The following GALNT17 variants were observed in gnomAD, a reference collection of about 807,000 sequenced individuals.
The protein encoded by GALNT17 is UDP-GalNAc:polypeptide N-acetylgalactosaminyltransferase-like 3.
In GALNT17, 29 loss-of-function variants were observed where a neutral mutation model predicts 63.7. That is an observed-to-expected ratio of 0.46 (90% CI 0.34 to 0.62). The LOEUF (loss-of-function observed/expected upper bound fraction) is 0.62, where lower values mean the gene tolerates loss of function less well. Among genes scored for constraint, GALNT17 ranks in the 20% least tolerant of loss-of-function variants. GALNT17 has a pLI of 0.01. For missense variants in GALNT17, 603 were observed against 799.6 expected (o/e 0.75, Z 2.97); for synonymous variants, 305 against 318.3 (o/e 0.96, Z 0.45).
At chr7:71,656,107 C>T (rs1790824590) in intron 6 of GALNT17, among the ~76,000 whole-genome samples, 1 of 152,154 alleles carries the variant, frequency 6.6e-6, no homozygotes, top group Non-Finnish European at 1.5e-5. Flanking sequence ...TCTTTGGGTA[C>T]TTACTTATGT....
chr7:71,704,070 G>A (rs977893894), intron 9 of GALNT17, among the ~76,000 whole-genome samples: 2 of 152,146 alleles, frequency 1.3e-5, no homozygotes, highest in Non-Finnish European at 2.9e-5. Flanking sequence ...TTGGAACACA[G>A]GTCTCCAGTG....
rs749995509 is a variant in GALNT17 at position 71,133,027 on chromosome 7, C to T, written c.225C>T (p.Tyr75=). Residue 75 remains tyrosine (Y), a synonymous_variant, in exon 1 of 11, where the codon TAC becomes TAT. Transcript: ENST00000333538. Reference sequence around the variant, plus strand: ...TGTCGCTGCTGGAGGACATCGTGTACCGGCAGCTGAATGGTAAGGACGCAC... The same window carrying T: ...TGTCGCTGCTGGAGGACATCGTGTATCGGCAGCTGAATGGTAAGGACGCAC... The part of the protein sequence containing the change: ...KRLSLLEDIV[Y]RQLNGLSKSL... 2.5e-6 allele frequency: 4 copies of T among 1,581,828 alleles called. No homozygotes were observed. The highest frequency in any genetic ancestry group is 2.3e-5 in the East Asian group (1 of 43,422).
At chr7:71,407,344 C>A (rs1490126406) in intron 3 of GALNT17, among the ~76,000 whole-genome samples, 2 of 152,202 alleles carry the variant, frequency 1.3e-5, no homozygotes, top group Non-Finnish European at 2.9e-5. Context: ...GCTGACCAGA[C>A]TGGGCTTTAG....
At chr7:71,159,000 G>A (rs6943535) in intron 1 of GALNT17, among the ~76,000 whole-genome samples, 14 of 151,452 alleles carry the variant, frequency 9.2e-5, no homozygotes, top group African/African-American at 2.4e-4. Flanking sequence ...TCTGCTCCTC[G>A]TCTGGTGTTT....
At chr7:71,198,414 A>G (rs1458627266) in intron 1 of GALNT17, among the ~76,000 whole-genome samples, 1 of 152,142 alleles carries the variant, frequency 6.6e-6, no homozygotes, top group East Asian at 1.9e-4. Flanking sequence ...TCCTTCATTT[A>G]TTGAGTTATG....
chr7:71,498,306 G>A (rs1250063771), intron 5 of GALNT17, among the ~76,000 whole-genome samples: 1 of 151,782 alleles, frequency 6.6e-6, no homozygotes, highest in Non-Finnish European at 1.5e-5. Flanking sequence ...TGAGACCCCC[G>A]TCTCTACTAA....
intron 5 of GALNT17, among the ~76,000 whole-genome samples, chr7:71,439,053 A>G (rs1004465525): frequency 2.7e-4 from 41 of 151,666 alleles, no homozygotes; most frequent in African/African-American, 9.7e-4. Context: ...ATGCCTGGCT[A>G]ATTTTTTAAA....
At chr7:71,421,917 T>G (rs981355359) in intron 5 of GALNT17, among the ~76,000 whole-genome samples, 4 of 138,556 alleles carry the variant, frequency 2.9e-5, no homozygotes, top group African/African-American at 1.1e-4. Flanking sequence ...GCCATTGCAC[T>G]CCAGCCTGGG....
At chr7:71,659,609 G>C (rs74700525) in intron 6 of GALNT17, among the ~76,000 whole-genome samples, 1,622 of 152,330 alleles carry the variant, frequency 0.011, 25 homozygotes, top group African/African-American at 0.035. Context: ...CCTAGTCCTG[G>C]GTTGTGTGAG....
chr7:71,155,741 AC>A (rs1329955336), intron 1 of GALNT17, among the ~76,000 whole-genome samples: 1 of 151,714 alleles, frequency 6.6e-6, no homozygotes, highest in Non-Finnish European at 1.5e-5. Context: ...CATCCTGGAA[AC>A]CTATAGAGTA....
At chr7:71,195,645 T>C (rs1403050143) in intron 1 of GALNT17, among the ~76,000 whole-genome samples, 7 of 150,320 alleles carry the variant, frequency 4.7e-5, no homozygotes, top group African/African-American at 1.5e-4. Context: ...ACTCCTGGGC[T>C]CCAGTGACCC....
chr7:71,526,521 T>G (rs1788627361), intron 5 of GALNT17, among the ~76,000 whole-genome samples: 1 of 152,110 alleles, frequency 6.6e-6, no homozygotes, highest in Non-Finnish European at 1.5e-5. Context: ...TTTTTATTTA[T>G]TGATTTATTT....
chr7:71,646,461 A>C lies in GALNT17; in HGVS notation c.1081-18950A>C, dbSNP rs116241197. Reference sequence around the variant, plus strand: ...AGCGTGTTTCTATCTCATGAGTAGAATGGAGAGTGGATTCACTCTGTTTAA... The same window carrying C: ...AGCGTGTTTCTATCTCATGAGTAGACTGGAGAGTGGATTCACTCTGTTTAA... On this transcript the variant is annotated intron_variant, in intron 6 of 10. Coordinates refer to ENST00000333538, the MANE Select transcript of GALNT17 (RefSeq NM_022479.3). 3.7e-3 allele frequency among the ~76,000 whole-genome samples: 567 copies of C among 152,290 alleles called. 4 individuals are homozygous for C. Among genetic ancestry groups the C allele is most frequent in the African/African-American group, 0.013 (548 of 41,576 alleles).
intron 1 of GALNT17, among the ~76,000 whole-genome samples, chr7:71,236,733 C>T (rs1475926955): frequency 5.3e-5 from 8 of 152,230 alleles, no homozygotes; most frequent in East Asian, 3.9e-4. Flanking sequence ...CAGCCCTCGG[C>T]GGGGGCACCT....
At chr7:71,499,858 T>C (rs995907233) in intron 5 of GALNT17, among the ~76,000 whole-genome samples, 1 of 152,182 alleles carries the variant, frequency 6.6e-6, no homozygotes, top group African/African-American at 2.4e-5. Context: ...CAGTGGGAGA[T>C]AATTGGATCA....
intron 1 of GALNT17, among the ~76,000 whole-genome samples, chr7:71,198,578 A>G (rs1278135001): frequency 6.6e-6 from 1 of 152,344 alleles, no homozygotes; most frequent in South Asian, 2.1e-4. Flanking sequence ...AGCTGACACT[A>G]GCTGACGCTA....
At position 71,166,300 on chromosome 7, in the gene GALNT17, CTT is replaced by C. The variant is rs544397173; in HGVS notation, c.238+33262_238+33263del. On this transcript the variant is annotated intron_variant, in intron 1 of 10. Coordinates refer to ENST00000333538, the MANE Select transcript of GALNT17 (RefSeq NM_022479.3). ...CAGATTTGTTCAGAAATCCACCTCT[CTT>C]TATTATTTACTTGGGCTTTAAGTTT... Among the ~76,000 whole-genome samples, 778 of 152,288 alleles carry C rather than the reference CTT, an allele frequency of 5.1e-3. 3 individuals are homozygous for C. The highest frequency in any genetic ancestry group is 0.018 in the African/African-American group (735 of 41,542).
intron 5 of GALNT17, among the ~76,000 whole-genome samples, chr7:71,520,449 G>A (rs1788512547): frequency 1.3e-5 from 2 of 152,126 alleles, no homozygotes; most frequent in Non-Finnish European, 2.9e-5. Context: ...CTTGAACCCA[G>A]GAGGCGGAGG....
At chr7:71,316,263 A>ATCCTGATCTGTGGGTCTGATCAGGG (rs1791498214) in intron 1 of GALNT17, among the ~76,000 whole-genome samples, 1 of 99,320 alleles carries the variant, frequency 1.0e-5, no homozygotes, top group Non-Finnish European at 2.5e-5. Flanking sequence ...TCTGATCAGG[A>ATCCTGATCTGTGGGTCTGATCAGGG]TCCTGATCTG....
Sources: allele counts gnomAD v4.1 joint callset (sites outside exome capture counted in the v4.1 genomes callset), GRCh38; gene constraint gnomAD v4.1.1; transcripts MANE v1.5; gene names NCBI Gene and HGNC (gene_info 2026-07-23, HGNC 2026-07-21).